DLG5: variants seen among roughly 807,000 people sequenced by gnomAD.
DLG5 encodes discs large MAGUK scaffold protein 5.
A neutral mutation model predicts 189.8 loss-of-function variants in DLG5; 48 were observed. The ratio of observed to expected loss-of-function variants is 0.25; its 90% CI spans 0.20 to 0.32. The LOEUF (loss-of-function observed/expected upper bound fraction) is 0.32, where lower values mean the gene tolerates loss of function less well. DLG5 is among the 10% of genes least tolerant of loss of function. The pLI is 1.00. For synonymous variants in DLG5, 1,016 were observed against 1,054.1 expected (o/e 0.96, Z 0.70); for missense variants, 2,160 against 2,544.7 (o/e 0.85, Z 3.25).
At chr10:77,815,872 C>A (rs565756869) in intron 20 of DLG5, among the ~76,000 whole-genome samples, 158 of 152,232 alleles carry the variant, frequency 1.0e-3, no homozygotes, top group African/African-American at 3.6e-3. Context: ...TCTAGGGGAA[C>A]AACAGAGAGG....
chr10:77,896,802 A>C (rs1213761262), intron 1 of DLG5, among the ~76,000 whole-genome samples: 1 of 150,082 alleles, frequency 6.7e-6, no homozygotes, highest in Admixed American at 6.6e-5. Context: ...CTGGGCCACA[A>C]GAGTGAAATT....
At position 77,830,804 on chromosome 10, in the gene DLG5, G is replaced by A. The variant is rs779883044; in HGVS notation, c.1818C>T (p.Asp606=). 1.9e-6 allele frequency: 3 copies of A among 1,614,098 alleles called. No homozygotes were observed. In the Admixed American group the frequency reaches 5.0e-5, roughly 27 times the overall value. The change falls in exon 10 of 32, where the codon GAC becomes GAT. Residue 606 remains aspartate (D), a synonymous_variant. Coordinates refer to ENST00000372391, the MANE Select transcript of DLG5 (RefSeq NM_004747.4). ...CCATGGAATCCGTGTCAATGGCCGA[G>A]TCGTGGGAGCTGTGGGCCATCAGCT... ...FRQLMAHSSH[D]SAIDTDSMEW...
chr10:77,814,529 T>C (rs1841957711), intron 20 of DLG5, among the ~76,000 whole-genome samples: 1 of 139,424 alleles, frequency 7.2e-6, no homozygotes, highest in African/African-American at 2.6e-5. Flanking sequence ...GGCAATTGAA[T>C]CTCTTGTTGA....
At chr10:77,935,353 A>G in the DLG5 span, among the ~76,000 whole-genome samples, 2 of 152,104 alleles carry the variant, frequency 1.3e-5, no homozygotes, top group African/African-American at 4.8e-5. Context: ...CTGTGATAGG[A>G]AGAATGGAAA....
chr10:77,876,168 G>A (rs1004754560), intron 1 of DLG5, among the ~76,000 whole-genome samples: 11 of 150,684 alleles, frequency 7.3e-5, no homozygotes, highest in African/African-American at 1.5e-4. Context: ...GCATCACTGC[G>A]CTAAAAAAAA....
intron 1 of DLG5, among the ~76,000 whole-genome samples, chr10:77,887,529 A>G (rs1458416497): frequency 6.6e-6 from 1 of 152,236 alleles, no homozygotes; most frequent in African/African-American, 2.4e-5. Flanking sequence ...AAAAAAATTA[A>G]TATTAAAGAG....
intron 1 of DLG5, among the ~76,000 whole-genome samples, chr10:77,873,013 ATGTGTGTG>A (rs112644933): frequency 8.0e-6 from 1 of 124,788 alleles, no homozygotes; most frequent in Non-Finnish European, 1.7e-5. Context: ...CAGCCTCCTG[ATGTGTGTG>A]TGTGTGTGTG....
chr10:77,854,127 G>A (rs775790668), intron 4 of DLG5, 100 bp downstream of exon 4: 6 of 1,464,046 alleles, frequency 4.1e-6, no homozygotes, highest in Non-Finnish European at 5.5e-6. Flanking sequence ...ACAGGGACAG[G>A]ACTAGAACCA....
At chr10:77,826,184 A>G (rs1372433730) in intron 13 of DLG5, among the ~76,000 whole-genome samples, 5 of 152,130 alleles carry the variant, frequency 3.3e-5, no homozygotes, top group African/African-American at 4.8e-5. Flanking sequence ...CTGGGTCCCT[A>G]TGAAGTAGCA....
rs374537076 is a variant in DLG5, at chr10:77,792,405, C to G, written c.*35G>C. ...GAGCTGAGTCTGGTGTCCCCTCAGG[C>G]GGCCAGCTGCAGTCATCCACAGCAC... On this transcript the variant is annotated 3_prime_UTR_variant, in exon 32 of 32. Coordinates refer to ENST00000372391, the MANE Select transcript of DLG5 (RefSeq NM_004747.4). 2.5e-6 allele frequency: 4 copies of G among 1,591,800 alleles called. No individual in the cohort carries two copies. Among genetic ancestry groups the G allele is most frequent in the Non-Finnish European group, 3.4e-6 (4 of 1,159,746 alleles).
chr10:77,822,320 G>A (rs1178693577), intron 14 of DLG5, among the ~76,000 whole-genome samples: 1 of 152,192 alleles, frequency 6.6e-6, no homozygotes, highest in Non-Finnish European at 1.5e-5. Flanking sequence ...ACTCAAAGAA[G>A]AGTCAAAGTT....
chr10:77,900,618 G>A (rs1019274221), intron 1 of DLG5, among the ~76,000 whole-genome samples: 3 of 152,122 alleles, frequency 2.0e-5, no homozygotes, highest in Middle Eastern at 6.8e-3. Context: ...TGGCCAACGT[G>A]GTGAAACCCC....
At chr10:77,843,277 A>G (rs909061405) in intron 6 of DLG5, among the ~76,000 whole-genome samples, 170 bp downstream of exon 6, 2 of 152,222 alleles carry the variant, frequency 1.3e-5, no homozygotes, top group African/African-American at 2.4e-5. Flanking sequence ...AGATGGGAAG[A>G]GGGAGCCACG....
At chr10:77,934,245 C>T in the DLG5 span, among the ~76,000 whole-genome samples, 107 of 150,458 alleles carry the variant, frequency 7.1e-4, no homozygotes, top group Middle Eastern at 3.4e-3. Flanking sequence ...GTGGTGCATG[C>T]ATGTAATCCC....
the DLG5 span, among the ~76,000 whole-genome samples, chr10:77,938,419 A>AGACC: frequency 6.6e-6 from 1 of 152,154 alleles, no homozygotes; most frequent in African/African-American, 2.4e-5. Flanking sequence ...TGACAGAGCA[A>AGACC]GACCCTGTCT....
rs375711278 is a variant in DLG5 at position 77,856,897 on chromosome 10, G to A, written c.374-5C>T. ...ACGGCGCCTTCCCGGTAGTGCCTGTGGAAGGGGAATAATAAAGTGAACTTG... is the reference window on the plus strand; with the variant it reads ...ACGGCGCCTTCCCGGTAGTGCCTGTAGAAGGGGAATAATAAAGTGAACTTG... On this transcript the variant is annotated splice_region_variant and splice_polypyrimidine_tract_variant and intron_variant, in intron 2 of 31. Transcript: ENST00000372391. 6.5e-5 allele frequency: 104 copies of A among 1,608,934 alleles called. 4 individuals carry two copies. The highest frequency in any genetic ancestry group is 5.4e-4 in the East Asian group (24 of 44,768).
intron 1 of DLG5, among the ~76,000 whole-genome samples, chr10:77,909,873 C>T (rs995488461): frequency 2.6e-5 from 4 of 152,094 alleles, no homozygotes; most frequent in Non-Finnish European, 2.9e-5. Flanking sequence ...TCAGTGTCCA[C>T]GGGGCCTTAT....
intron 26 of DLG5, chr10:77,806,282 G>C (rs10824576): frequency 0.31 from 69,592 of 224,036 alleles, 11,320 homozygotes; most frequent in Non-Finnish European, 0.34. Flanking sequence ...CAGAAGTCCA[G>C]ACAGGGAGAC....
rs1298158286 is a variant in DLG5 at position 77,820,861 on chromosome 10, A to G, written c.3402+221T>C. ...AAGCAAACCAAATGCTATGCCCAAT[A>G]AAGTGTTCCCCTCTTGTGTCACACT... On this transcript the variant is annotated intron_variant, in intron 15 of 31. Transcript: ENST00000372391. 2.7e-5 allele frequency: 15 copies of G among 563,500 alleles called. No individual in the cohort carries two copies. The Admixed American group carries it at 2.9e-4, about 11-fold the overall frequency. The allele number at this position is 563,500 out of a possible 1,614,324, so 34.9% of individuals were successfully genotyped here. A position where few individuals can be genotyped will look rare whatever the true frequency, so the allele number is the denominator to read the frequency against.
Sources: allele counts gnomAD v4.1 joint callset (sites outside exome capture counted in the v4.1 genomes callset), GRCh38; gene constraint gnomAD v4.1.1; transcripts MANE v1.5; gene names NCBI Gene and HGNC (gene_info 2026-07-23, HGNC 2026-07-21).